Variants in BEND6 observed in about 807,000 individuals in gnomAD.
BEND6 encodes BEN domain-containing protein 6.
A neutral mutation model predicts 31.8 loss-of-function variants in BEND6; 24 were observed. That is an observed-to-expected ratio of 0.75 (90% CI 0.55 to 1.06). The LOEUF (loss-of-function observed/expected upper bound fraction) is 1.06. BEND6 is among the 50% of genes least tolerant of loss of function. The pLI, the probability that BEND6 is intolerant of heterozygous loss-of-function variation, is 0.00. For synonymous variants in BEND6, 109 were observed against 114.6 expected (o/e 0.95, Z 0.31); for missense variants, 294 against 327.4 (o/e 0.90, Z 0.79).
chr6:56,986,973 CTTTTTTTTTTT>C (rs869195941), intron 2 of BEND6, among the ~76,000 whole-genome samples: 1 of 123,816 alleles, frequency 8.1e-6, no homozygotes, highest in Non-Finnish European at 1.7e-5. Context: ...TGTTTCTTTT[CTTTTTTTTTTT>C]TTTTTTTTTG....
intron 3 of BEND6, among the ~76,000 whole-genome samples, chr6:57,005,732 A>C (rs1827135630): frequency 6.6e-6 from 1 of 151,810 alleles, no homozygotes; most frequent in African/African-American, 2.4e-5. Flanking sequence ...AGGCCAATTC[A>C]TCCCCAAAAT....
chr6:56,981,743 T>C lies in BEND6; in HGVS notation c.-68T>C, dbSNP rs1826077703. ...ATTAACTTTTGAGCTACGTCCAGAA[T>C]AGCATCATCTTCATGGGTATTCCCT... On this transcript the variant is annotated 5_prime_UTR_variant, in exon 2 of 7. An upstream open reading frame in the 5' UTR loses its in-frame stop. Coordinates refer to ENST00000370746, the MANE Select transcript of BEND6 (RefSeq NM_152731.3). The C allele has an allele frequency of 5.1e-6, 8 of 1,562,768 alleles. No individual in the cohort carries two copies. Among genetic ancestry groups the C allele is most frequent in the Non-Finnish European group, 5.2e-6 (6 of 1,150,122 alleles).
chr6:56,972,468 CA>C (rs1335580082), intron 1 of BEND6, among the ~76,000 whole-genome samples: 1 of 152,006 alleles, frequency 6.6e-6, no homozygotes, highest in Non-Finnish European at 1.5e-5. Context: ...TTAATTTTAG[CA>C]GGAATTAATA....
intron 2 of BEND6, among the ~76,000 whole-genome samples, chr6:56,989,311 T>C (rs1826405833): frequency 6.6e-6 from 1 of 152,170 alleles, no homozygotes; most frequent in Non-Finnish European, 1.5e-5. Flanking sequence ...ATTTATTCAC[T>C]ATCAATGCTG....
intron 5 of BEND6, 110 bp downstream of exon 5, chr6:57,017,509 G>C: frequency 1.1e-6 from 1 of 934,486 alleles, no homozygotes; most frequent in Non-Finnish European, 1.4e-6. Flanking sequence ...ATTTTTCTGG[G>C]AAAGAAAAAT....
chr6:56,977,604 A>G (rs1304692637), intron 1 of BEND6, among the ~76,000 whole-genome samples: 1 of 152,192 alleles, frequency 6.6e-6, no homozygotes, highest in African/African-American at 2.4e-5. Flanking sequence ...CATTATGTGT[A>G]TTTTTAAAAA....
At chr6:56,998,939 A>G (rs1414803518) in intron 3 of BEND6, among the ~76,000 whole-genome samples, 1 of 152,244 alleles carries the variant, frequency 6.6e-6, no homozygotes, top group Non-Finnish European at 1.5e-5. Context: ...AAACAACCCA[A>G]TAGCAAAAAA....
At chr6:57,020,277 A>AT (rs1247013962) in intron 6 of BEND6, among the ~76,000 whole-genome samples, 5,258 of 130,866 alleles carry the variant, frequency 0.04, 245 homozygotes, top group African/African-American at 0.11. Context: ...CAAGTTCTCT[A>AT]TTTTTTTTTT....
intron 1 of BEND6, among the ~76,000 whole-genome samples, chr6:56,958,454 C>A (rs1825171252): frequency 6.6e-6 from 1 of 152,106 alleles, no homozygotes; most frequent in Non-Finnish European, 1.5e-5. Context: ...GAAGATAACT[C>A]AGGTTTTGAG....
intron 3 of BEND6, chr6:57,014,391 T>C (rs1593024286): frequency 1.0e-6 from 1 of 957,792 alleles, no homozygotes; most frequent in East Asian, 3.0e-5. Flanking sequence ...CCCTCAACCA[T>C]ATAGTGAGGA....
rs764435390 is a variant in BEND6 at position 56,989,663 on chromosome 6, A to G, written c.121-2715A>G. Among the ~76,000 whole-genome samples, 13 of 152,078 alleles carry G rather than the reference A, an allele frequency of 8.5e-5. 1 individual carries two copies. Among genetic ancestry groups the G allele is most frequent in the Non-Finnish European group, 1.8e-4 (12 of 67,990 alleles). On this transcript the variant is annotated intron_variant, in intron 2 of 6. Transcript: ENST00000370746. ...TTGCCCCAAATGATGTCTTTTTATCATGTTGATCTTCTTTTCCCTAGTTGT... is the reference window on the plus strand; with the variant it reads ...TTGCCCCAAATGATGTCTTTTTATCGTGTTGATCTTCTTTTCCCTAGTTGT...
At chr6:56,973,350 C>A (rs1448171040) in intron 1 of BEND6, among the ~76,000 whole-genome samples, 2 of 152,148 alleles carry the variant, frequency 1.3e-5, no homozygotes, top group African/African-American at 4.8e-5. Flanking sequence ...CTCTCAAGTA[C>A]AAGTAGTGCT....
At chr6:57,005,642 TGCACTCCACCCTGGGCGACAGA>T (rs1283592566) in intron 3 of BEND6, among the ~76,000 whole-genome samples, 3 of 148,882 alleles carry the variant, frequency 2.0e-5, no homozygotes, top group African/African-American at 7.5e-5. Flanking sequence ...ATCGCCCCAC[TGCACTCCACCCTGGGCGACAGA>T]GCGAGACTCC....
intron 3 of BEND6, among the ~76,000 whole-genome samples, chr6:56,994,600 A>G (rs1300799579): frequency 6.6e-6 from 1 of 152,066 alleles, no homozygotes; most frequent in African/African-American, 2.4e-5. Flanking sequence ...TCCAAAAAGC[A>G]GAGGAAGGCA....
chr6:56,966,227 G>T (rs1299792981), intron 1 of BEND6, among the ~76,000 whole-genome samples: 1 of 152,102 alleles, frequency 6.6e-6, no homozygotes, highest in Non-Finnish European at 1.5e-5. Flanking sequence ...TCAGCCTCCA[G>T]AGTAGCTGGG....
chr6:57,019,560 C>T (rs1324190892), intron 6 of BEND6, among the ~76,000 whole-genome samples: 1 of 152,048 alleles, frequency 6.6e-6, no homozygotes, highest in African/African-American at 2.4e-5. Flanking sequence ...AGATGTGGAG[C>T]TGAATGTAAT....
At chr6:56,981,166 C>T (rs1050307817) in intron 1 of BEND6, among the ~76,000 whole-genome samples, 4 of 152,048 alleles carry the variant, frequency 2.6e-5, no homozygotes, top group Non-Finnish European at 2.9e-5. Flanking sequence ...TATGAAAATA[C>T]TATTGCCCTT....
rs115682952 is a variant in BEND6, at chr6:57,004,000, C to G, written c.299-11133C>G. Among the ~76,000 whole-genome samples, 476 of 152,230 alleles carry G rather than the reference C, an allele frequency of 3.1e-3. 2 individuals are homozygous for G. Among genetic ancestry groups the G allele is most frequent in the African/African-American group, 0.011 (458 of 41,538 alleles). ...AACATCCTTTCTTGATAAAAACCCT[C>G]AAGAAAATAGGCATCAAAGGAACAC... On this transcript the variant is annotated intron_variant, in intron 3 of 6. Coordinates refer to ENST00000370746, the MANE Select transcript of BEND6 (RefSeq NM_152731.3).
At chr6:57,023,433 A>C (rs535635860) in intron 6 of BEND6, among the ~76,000 whole-genome samples, 1 of 152,048 alleles carries the variant, frequency 6.6e-6, no homozygotes, top group Non-Finnish European at 1.5e-5. Flanking sequence ...TGATATAACT[A>C]CTTCTGCTCT....
Sources: gnomAD v4.1 joint callset for allele counts (sites outside exome capture counted in the v4.1 genomes callset) on GRCh38, gnomAD v4.1.1 for gene constraint, MANE v1.5 for transcripts, NCBI Gene and HGNC (gene_info 2026-07-23, HGNC 2026-07-21) for gene names.